Variants in MAP1B observed in about 807,000 individuals in gnomAD.
The protein encoded by MAP1B is microtubule associated protein 1B, also known as microtubule-associated protein 1B.
A neutral mutation model predicts 176.1 loss-of-function variants in MAP1B; 12 were observed. The ratio of observed to expected loss-of-function variants is 0.07; its 90% CI spans 0.04 to 0.11. The LOEUF (loss-of-function observed/expected upper bound fraction) is 0.11, where lower values mean the gene tolerates loss of function less well. Ranked by LOEUF, MAP1B falls within the 10% of genes least tolerant of loss-of-function variation. The probability of loss-of-function intolerance (pLI) is 1.00; values close to 1 mark genes in which losing one functional copy is unlikely to be tolerated. For synonymous variants in MAP1B, 1,044 were observed against 1,135.0 expected (o/e 0.92, Z 1.61); for missense variants, 2,523 against 2,990.5 (o/e 0.84, Z 3.65).
At chr5:72,157,932 C>T (rs1011546117) in intron 2 of MAP1B, among the ~76,000 whole-genome samples, 5 of 152,042 alleles carry the variant, frequency 3.3e-5, no homozygotes, top group Admixed American at 1.3e-4. Context: ...CTCAGCCTCC[C>T]GGGTCCAAGC....
chr5:72,110,729 G>T (rs1745317415), intron 1 of MAP1B, among the ~76,000 whole-genome samples: 1 of 152,160 alleles, frequency 6.6e-6, no homozygotes, highest in African/African-American at 2.4e-5. Flanking sequence ...TTCCCCTCCT[G>T]CCTTAACTGA....
intron 2 of MAP1B, among the ~76,000 whole-genome samples, chr5:72,148,158 T>C (rs909244839): frequency 1.3e-5 from 2 of 152,228 alleles, no homozygotes; most frequent in Non-Finnish European, 2.9e-5. Flanking sequence ...TAAAATACTT[T>C]TAAAAACCCA....
chr5:72,166,661 T>C (rs1376799398), intron 2 of MAP1B, among the ~76,000 whole-genome samples: 2 of 152,220 alleles, frequency 1.3e-5, no homozygotes, highest in African/African-American at 4.8e-5. Flanking sequence ...TAATCCTCCC[T>C]GTAGAAATCC....
Position 72,197,507 on chromosome 5 carries a change from G to T in MAP1B, c.4152G>T (p.Val1384=). ...CAGTAAGCCCCATGGATGAGCCCGT[G>T]CCTGACTCAGAGTCTCCTATTGAAA... ...RASVSPMDEP[V]PDSESPIEKV... is the part of the protein sequence containing the mutation. The change falls in exon 5 of 7, where the codon GTG becomes GTT. Residue 1384 remains valine, a synonymous_variant. Coordinates refer to ENST00000296755, the MANE Select transcript of MAP1B (RefSeq NM_005909.5). 6.2e-7 allele frequency: 1 copy of T among 1,614,202 alleles called. No individual in the cohort carries two copies. Among genetic ancestry groups the T allele is most frequent in the Admixed American group, 1.7e-5 (1 of 60,024 alleles).
intron 2 of MAP1B, among the ~76,000 whole-genome samples, chr5:72,134,361 TG>T (rs1745791699): frequency 6.6e-6 from 1 of 152,188 alleles, no homozygotes; most frequent in African/African-American, 2.4e-5. Flanking sequence ...AGGGCTTGCC[TG>T]CACCTCACGG....
intron 2 of MAP1B, among the ~76,000 whole-genome samples, chr5:72,164,745 G>A (rs1333278275): frequency 6.6e-6 from 1 of 152,150 alleles, no homozygotes; most frequent in African/African-American, 2.4e-5. Flanking sequence ...TCAGGGACAG[G>A]GTAAGGCTTG....
intron 2 of MAP1B, among the ~76,000 whole-genome samples, chr5:72,137,997 T>A (rs1181121597): frequency 6.6e-6 from 1 of 152,194 alleles, no homozygotes. Flanking sequence ...GCAGGTGGCA[T>A]GACTTGTTGC....
At chr5:72,185,454 G>A (rs1746875917) in intron 3 of MAP1B, among the ~76,000 whole-genome samples, 1 of 152,112 alleles carries the variant, frequency 6.6e-6, no homozygotes, top group Non-Finnish European at 1.5e-5. Context: ...AATTAGCCGG[G>A]CATGGTGTTG....
chr5:72,180,552 C>T (rs535416116), intron 2 of MAP1B, among the ~76,000 whole-genome samples: 139 of 152,172 alleles, frequency 9.1e-4, no homozygotes, highest in African/African-American at 3.0e-3. Context: ...ACCAAAAAGC[C>T]GAAAAGCAAT....
At chr5:72,183,857 G>C in intron 3 of MAP1B, 32 bp downstream of exon 3, 5 of 1,578,234 alleles carry the variant, frequency 3.2e-6, no homozygotes, top group Non-Finnish European at 4.4e-6. Context: ...ATCTGGGGCC[G>C]GGCCCCACAC....
At position 72,208,545 on chromosome 5, in the gene MAP1B, A is replaced by G. The variant is rs1747503148; in HGVS notation, c.*3306A>G. The G allele has an allele frequency of 6.6e-6, 1 of 152,192 alleles. No homozygotes were observed. Among genetic ancestry groups the G allele is most frequent in the Non-Finnish European group, 1.5e-5 (1 of 68,018 alleles). The allele number at this position is 152,192 out of a possible 1,614,324, so 9.4% of individuals were successfully genotyped here. ...TCTCAGTCTTGTGGTGGGACTGGAT[A>G]CAATGACTAACTTCCCCTCCTCCCC... On this transcript the variant is annotated 3_prime_UTR_variant, in exon 7 of 7. Coordinates refer to ENST00000296755, the MANE Select transcript of MAP1B (RefSeq NM_005909.5).
rs1746770591 is a variant in MAP1B, at chr5:72,181,726, T to TTA, written c.287-2016_287-2015insAT. 2.0e-5 allele frequency among the ~76,000 whole-genome samples: 3 copies of TTA among 150,456 alleles called. No homozygotes were observed. In the South Asian group the frequency reaches 6.3e-4, roughly 32 times the overall value. The stretch of plus-strand genomic sequence containing the variant: ...ATGTGTGCCACCACACCCAGCTATT[T>TTA]TTTTTTTTTTTTTGAGACGGAGTCT... On this transcript the variant is annotated intron_variant, in intron 2 of 6. Coordinates refer to ENST00000296755, the MANE Select transcript of MAP1B (RefSeq NM_005909.5).
chr5:72,175,582 C>T (rs1394548367), intron 2 of MAP1B, among the ~76,000 whole-genome samples: 1 of 152,142 alleles, frequency 6.6e-6, no homozygotes, highest in Non-Finnish European at 1.5e-5. Flanking sequence ...CTGTCTTTCA[C>T]CTTAACCCTT....
At chr5:72,180,161 A>G (rs1245713407) in intron 2 of MAP1B, among the ~76,000 whole-genome samples, 1 of 152,146 alleles carries the variant, frequency 6.6e-6, no homozygotes, top group Non-Finnish European at 1.5e-5. Context: ...AGAAAGAAAG[A>G]GGCTGGGATT....
chr5:72,129,272 AG>A (rs1295632260), intron 2 of MAP1B, among the ~76,000 whole-genome samples: 1 of 152,178 alleles, frequency 6.6e-6, no homozygotes, highest in Non-Finnish European at 1.5e-5. Flanking sequence ...CCAAGTAAAT[AG>A]GGCCGGGTGT....
At chr5:72,116,097 CTTGAGAAAGAGAGA>C in intron 2 of MAP1B, 1 of 333,200 alleles carries the variant, frequency 3.0e-6, no homozygotes, top group Non-Finnish European at 5.8e-6. Flanking sequence ...ATATCCAGGG[CTTGAGAAAGAGAGA>C]GAGAGAAAGA....
rs760767252 is a variant in MAP1B at position 72,194,872 on chromosome 5, A to G, written c.1517A>G (p.Lys506Arg). Residue 506 changes from lysine to arginine, a missense_variant, in exon 5 of 7, where the codon AAA becomes AGA. By Grantham distance (26) the Lys-to-Arg change is conservative (BLOSUM62 2). Coordinates refer to ENST00000296755, the MANE Select transcript of MAP1B (RefSeq NM_005909.5). The surrounding 1 kb of genome is among the most constrained non-coding windows in gnomAD (Gnocchi z 7.2). The part of the protein sequence containing the change: ...YNILEGLEKL[K>R]HLDFLKQPLA... ...ATCCTGGAAGGGTTGGAAAAGCTCA[A>G]ACATCTAGACTTTCTGAAGCAGCCA... 6 of 1,614,160 alleles carry G rather than the reference A, an allele frequency of 3.7e-6. No homozygotes were observed. In the Admixed American group the frequency reaches 1.0e-4, roughly 27 times the overall value.
At chr5:72,181,991 T>C (rs1001417978) in intron 2 of MAP1B, among the ~76,000 whole-genome samples, 2 of 149,816 alleles carry the variant, frequency 1.3e-5, no homozygotes, top group Non-Finnish European at 3.0e-5. Context: ...CCCCAAGTGC[T>C]GGGATTACAG....
At chr5:72,174,283 C>T (rs575135677) in intron 2 of MAP1B, among the ~76,000 whole-genome samples, 2 of 152,276 alleles carry the variant, frequency 1.3e-5, no homozygotes, top group African/African-American at 4.8e-5. Flanking sequence ...TAAACATTGA[C>T]CTTTGTGATA....
Sources: gnomAD v4.1 joint callset for allele counts (sites outside exome capture counted in the v4.1 genomes callset) on GRCh38, gnomAD v4.1.1 for gene constraint, Gnocchi (gnomAD v3.1) non-coding constraint, MANE v1.5 for transcripts, NCBI Gene and HGNC (gene_info 2026-07-23, HGNC 2026-07-21) for gene names.